MPND: variants seen among roughly 807,000 people sequenced by gnomAD.
MPND encodes MPN domain containing, also known as MPN domain-containing protein.
A neutral mutation model predicts 59.2 loss-of-function variants in MPND; 56 were observed. The ratio of observed to expected loss-of-function variants is 0.95; its 90% CI spans 0.76 to 1.18. The LOEUF (loss-of-function observed/expected upper bound fraction) is 1.18. MPND is among the 50% of genes most tolerant of loss of function. The probability of loss-of-function intolerance (pLI) is 0.00; values close to 1 mark genes in which losing one functional copy is unlikely to be tolerated. For missense variants in MPND, 671 were observed against 676.0 expected, an observed-to-expected ratio of 0.99 and a Z score of 0.08; for synonymous variants, 323 against 291.9, an observed-to-expected ratio of 1.11 and a Z score of -1.09.
At position 4,357,295 on chromosome 19, in the gene MPND, T is replaced by C; in HGVS notation, c.1039T>C (p.Trp347Arg). Residue 347 changes from tryptophan to arginine, a missense_variant, in exon 9 of 13, where the codon TGG becomes CGG. Coordinates refer to ENST00000599840, the MANE Select transcript of MPND (RefSeq NM_001300862.2). ...CCTGCGGGGCCTGTCCCTGGTGGGCTGGTACCACAGCCACCCACACAGCCC... is the reference window on the plus strand; with the variant it reads ...CCTGCGGGGCCTGTCCCTGGTGGGCCGGTACCACAGCCACCCACACAGCCC... Reference protein sequence around the residue: ...LFLRGLSLVGWYHSHPHSPAL... With the variant: ...LFLRGLSLVGRYHSHPHSPAL... The C allele has an allele frequency of 6.2e-7, 1 of 1,612,632 alleles. No individual in the cohort carries two copies. The highest frequency in any genetic ancestry group is 8.5e-7 in the Non-Finnish European group (1 of 1,179,642).
Position 4,343,789 on chromosome 19 carries a change from C to T in MPND, c.89C>T (p.Pro30Leu). The T allele has an allele frequency of 8.3e-7, 1 of 1,209,822 alleles. No individual in the cohort carries two copies. Among genetic ancestry groups the T allele is most frequent in the Non-Finnish European group, 1.0e-6 (1 of 973,572 alleles). The allele number at this position is 1,209,822 out of a possible 1,614,324, so 74.9% of individuals were successfully genotyped here. A position where few individuals can be genotyped will look rare whatever the true frequency, so the allele number is the denominator to read the frequency against. ...GAGGACGAAGCGGAGGCCGAGGACCCTGAGCGGCCGAATGCGGGAGCGGGC... is the reference window on the plus strand; with the variant it reads ...GAGGACGAAGCGGAGGCCGAGGACCTTGAGCGGCCGAATGCGGGAGCGGGC... ...EDEDEAEAED[P>L]ERPNAGAGGG... The change falls in exon 2 of 13, where the codon CCT becomes CTT. Residue 30 changes from proline (P) to leucine (L), a missense_variant. By Grantham distance (98) the Pro-to-Leu change is moderately conservative. Coordinates refer to ENST00000599840, the MANE Select transcript of MPND (RefSeq NM_001300862.2).
chr19:4,359,220 T>C lies in MPND; in HGVS notation c.1384T>C (p.Trp462Arg). ...SPDLVRLQEP[W>R]SQEHTYLDKL... ...TGACCTCGTGAGGCTCCAGGAACCC[T>C]GGAGCCAGGAGCACACCTACCTCGA... Residue 462 changes from tryptophan to arginine, a missense_variant, in exon 12 of 13, where the codon TGG becomes CGG. By Grantham distance (101) the Trp-to-Arg change is moderately radical. Coordinates refer to ENST00000599840, the MANE Select transcript of MPND (RefSeq NM_001300862.2). 1.2e-6 allele frequency: 2 copies of C among 1,612,524 alleles called. No homozygotes were observed. The highest frequency in any genetic ancestry group is 1.7e-6 in the Non-Finnish European group (2 of 1,179,634).
rs1972118877 is a variant in MPND, at chr19:4,343,671, G to A, written c.8-37G>A. 12 of 1,200,150 alleles carry A rather than the reference G, an allele frequency of 1.0e-5. No individual in the cohort carries two copies. In the South Asian group the frequency reaches 5.0e-4, roughly 50 times the overall value. 74.3% of individuals were successfully genotyped at this position (1,200,150 alleles called of 1,614,324 possible). On this transcript the variant is annotated intron_variant, in intron 1 of 12. Transcript: ENST00000599840. ...GGGGCGCGGGGCTGCAGAGCCGTGG[G>A]GCGAGCGGCCTCCCTGCAGCCTCTC... is the stretch of plus-strand genomic sequence containing the variant.
intron 3 of MPND, among the ~76,000 whole-genome samples, chr19:4,349,419 G>C (rs60697121): frequency 0.12 from 18,759 of 152,180 alleles, 1,294 homozygotes; most frequent in South Asian, 0.2. Flanking sequence ...GAAAGCAGTG[G>C]TGGCGGGAGA....
At chr19:4,359,848 T>G in intron 12 of MPND, 68 bp from the exon 13 acceptor site, 4 of 1,303,132 alleles carry the variant, frequency 3.1e-6, no homozygotes, top group Non-Finnish European at 4.3e-6. Flanking sequence ...ACTTGCACGG[T>G]GGACTGTGAG....
At chr19:4,347,777 A>G (rs1189398144) in intron 3 of MPND, 1 of 526,268 alleles carries the variant, frequency 1.9e-6, no homozygotes, top group Non-Finnish European at 3.4e-6. Flanking sequence ...CAGTGGCAAA[A>G]AAACCCTTGA....
intron 12 of MPND, 44 bp downstream of exon 12, chr19:4,359,299 G>A: frequency 6.8e-7 from 1 of 1,466,516 alleles, no homozygotes; most frequent in Non-Finnish European, 9.5e-7. Context: ...GGCCCCAGGA[G>A]AGGCCCCCTG....
In MPND at chr19:4,345,910, A is replaced by G; in HGVS notation, c.460A>G (p.Lys154Glu). 1 of 1,613,866 alleles carries G rather than the reference A, an allele frequency of 6.2e-7. No individual in the cohort carries two copies. The highest frequency in any genetic ancestry group is 8.5e-7 in the Non-Finnish European group (1 of 1,180,028). ...GWASVKYKGQ[K>E]LDKYKATWLR... Reference sequence around the variant, plus strand: ...GGCCTCTGTCAAGTACAAAGGCCAGAAACTGGACAAGTACAAGGCCACCTG... The same window carrying G: ...GGCCTCTGTCAAGTACAAAGGCCAGGAACTGGACAAGTACAAGGCCACCTG... Residue 154 changes from lysine (K) to glutamate (E), a missense_variant, in exon 3 of 13, where the codon AAA (lysine) becomes GAA (glutamate). Lys to Glu is a moderately conservative substitution (Grantham distance 56). Transcript: ENST00000599840.
At position 4,354,306 on chromosome 19, in the gene MPND, C is replaced by A; in HGVS notation, c.750-18C>A. 6.4e-7 allele frequency: 1 copy of A among 1,550,558 alleles called. No individual in the cohort carries two copies. The highest frequency in any genetic ancestry group is 1.4e-5 in the African/African-American group (1 of 73,220). On this transcript the variant is annotated intron_variant, in intron 5 of 12. Coordinates refer to ENST00000599840, the MANE Select transcript of MPND (RefSeq NM_001300862.2). Reference sequence around the variant, plus strand: ...CCTGGGGATTCCTGAGACTGTGCGACCCTCCTGGCCCCTACAGGAACCCCC... The same window carrying A: ...CCTGGGGATTCCTGAGACTGTGCGAACCTCCTGGCCCCTACAGGAACCCCC...
chr19:4,343,578 G>C lies in MPND; in HGVS notation c.-16G>C. On this transcript the variant is annotated 5_prime_UTR_variant, in exon 1 of 13. Coordinates refer to ENST00000599840, the MANE Select transcript of MPND (RefSeq NM_001300862.2). ...GAAGCCGGAGTCTAGAGCTCCGGGC[G>C]CGGGGAGGCGCGGCCATGGCAGGTA... The C allele has an allele frequency of 8.2e-7, 1 of 1,221,492 alleles. No homozygotes were observed. Among genetic ancestry groups the C allele is most frequent in the Admixed American group, 4.3e-5 (1 of 23,278 alleles). 75.7% of individuals were successfully genotyped at this position (1,221,492 alleles called of 1,614,324 possible).
At chr19:4,357,915 A>G (rs1175715983) in intron 10 of MPND, 168 bp from the exon 11 acceptor site, 1 of 627,444 alleles carries the variant, frequency 1.6e-6, no homozygotes, top group Admixed American at 2.7e-5. Flanking sequence ...CTCCCACAGT[A>G]AGGATGCTAC....
In MPND at chr19:4,343,967, C is replaced by T; in HGVS notation, c.267C>T (p.Gly89=). Residue 89 remains glycine (G), a synonymous_variant, in exon 2 of 13, where the codon GGC becomes GGT. Transcript: ENST00000599840. ...VLLKDALLEP[G]AGVLSIYYLG... The stretch of plus-strand genomic sequence containing the variant: ...TCAAAGACGCGCTGCTGGAGCCTGG[C>T]GCCGGGGTGCTGTCCATCTACTACC... The T allele has an allele frequency of 7.2e-7, 1 of 1,383,932 alleles. No homozygotes were observed. The highest frequency in any genetic ancestry group is 9.4e-7 in the Non-Finnish European group (1 of 1,068,090). The allele number at this position is 1,383,932 out of a possible 1,614,324, so 85.7% of individuals were successfully genotyped here. A position where few individuals can be genotyped will look rare whatever the true frequency, so the allele number is the denominator to read the frequency against.
At position 4,359,909 on chromosome 19, in the gene MPND, G is replaced by A. The variant is rs77782994; in HGVS notation, c.1420-7G>A. 196 of 1,560,256 alleles carry A rather than the reference G, an allele frequency of 1.3e-4. 3 individuals are homozygous for A. In the East Asian group the frequency reaches 4.2e-3, roughly 33 times the overall value. On this transcript the variant is annotated splice_region_variant and splice_polypyrimidine_tract_variant and intron_variant, in intron 12 of 12. Transcript: ENST00000599840. ...GCACAGCCTGAGGCCCAGCCCCCTC[G>A]TTTCAGATCTCCTTGGCCAGCAGGA...
At position 4,343,858 on chromosome 19, in the gene MPND, G is replaced by T; in HGVS notation, c.158G>T (p.Gly53Val). 2 of 1,198,026 alleles carry T rather than the reference G, an allele frequency of 1.7e-6. No individual in the cohort carries two copies. The highest frequency in any genetic ancestry group is 2.1e-6 in the Non-Finnish European group (2 of 966,340). 74.2% of individuals were successfully genotyped at this position (1,198,026 alleles called of 1,614,324 possible). The stretch of plus-strand genomic sequence containing the variant: ...GGCGGCAGTAGCGTCAGCGGAGGAG[G>T]CGGCGGCGGCGGGGCCGGGGCGGGG... The part of the protein sequence containing the change: ...GGGGSSVSGG[G>V]GGGGAGAGGC... The change falls in exon 2 of 13, where the codon GGC becomes GTC. Residue 53 changes from glycine to valine, a missense_variant. Gly to Val is a moderately radical substitution (Grantham distance 109). Coordinates refer to ENST00000599840, the MANE Select transcript of MPND (RefSeq NM_001300862.2).
chr19:4,347,275 C>A (rs1281085648), intron 3 of MPND: 2 of 147,662 alleles, frequency 1.4e-5, no homozygotes, highest in African/African-American at 5.1e-5. Flanking sequence ...GAGTCTTGCT[C>A]TGTCGCCCAG....
At chr19:4,355,677 G>A (rs2144835112) in intron 8 of MPND, among the ~76,000 whole-genome samples, 1 of 151,850 alleles carries the variant, frequency 6.6e-6, no homozygotes. Context: ...CACCATGTTG[G>A]TCAGGATGGT....
chr19:4,345,283 G>A (rs1045579708), intron 2 of MPND, among the ~76,000 whole-genome samples: 4 of 151,318 alleles, frequency 2.6e-5, no homozygotes, highest in African/African-American at 9.7e-5. Context: ...CTGACCTCAG[G>A]TGATCCGCCC....
intron 4 of MPND, 67 bp downstream of exon 4, chr19:4,353,096 G>A (rs1972359132): frequency 1.6e-6 from 2 of 1,249,348 alleles, no homozygotes; most frequent in East Asian, 5.7e-5. Flanking sequence ...GGAGACTGGG[G>A]AGAGGTTGGG....
chr19:4,355,260 C>A, intron 8 of MPND, 87 bp downstream of exon 8: 1 of 1,386,138 alleles, frequency 7.2e-7, no homozygotes, highest in South Asian at 1.2e-5. Flanking sequence ...CTGGCAGTGT[C>A]ATCACCCAGC....
Sources: gnomAD v4.1 joint callset for allele counts (sites outside exome capture counted in the v4.1 genomes callset) on GRCh38, gnomAD v4.1.1 for gene constraint, MANE v1.5 for transcripts, NCBI Gene and HGNC (gene_info 2026-07-23, HGNC 2026-07-21) for gene names.